LRRCC1: variants seen among roughly 807,000 people sequenced by gnomAD.
LRRCC1 encodes the protein leucine-rich repeat and coiled-coil domain-containing protein 1.
A neutral mutation model predicts 126.0 loss-of-function variants in LRRCC1; 115 were observed. The ratio of observed to expected loss-of-function variants is 0.91; its 90% CI spans 0.78 to 1.07. The LOEUF (loss-of-function observed/expected upper bound fraction) is 1.07, where lower values mean the gene tolerates loss of function less well. LRRCC1 is among the 50% of genes least tolerant of loss of function. The pLI is 0.00. For synonymous variants in LRRCC1, 400 were observed against 393.4 expected (o/e 1.02, Z -0.20); for missense variants, 1,172 against 1,175.7 (o/e 1.00, Z 0.05).
chr8:85,138,014 G>A (rs1330275422), intron 15 of LRRCC1, 21 bp from the exon 16 acceptor site: 6 of 1,337,352 alleles, frequency 4.5e-6, no homozygotes, highest in South Asian at 1.4e-5. Context: ...TAAAAACAAA[G>A]TGCCAATTTT....
In LRRCC1 at chr8:85,138,124, A is replaced by C; in HGVS notation, c.2583A>C (p.Lys861Asn). 1 of 1,608,980 alleles carries C rather than the reference A, an allele frequency of 6.2e-7. No individual in the cohort carries two copies. The highest frequency in any genetic ancestry group is 8.5e-7 in the Non-Finnish European group (1 of 1,177,200). Reference protein sequence around the residue: ...EKCTQEQLDEKSSQLDEVLEK... With the variant: ...EKCTQEQLDENSSQLDEVLEK... Reference sequence around the variant, plus strand: ...GCACTCAAGAACAACTTGATGAAAAATCTTCACAACTGGATGAGGTACTTG... The same window carrying C: ...GCACTCAAGAACAACTTGATGAAAACTCTTCACAACTGGATGAGGTACTTG... The change falls in exon 16 of 19, where the codon AAA (lysine) becomes AAC (asparagine). Residue 861 changes from lysine to asparagine, a missense_variant. Coordinates refer to ENST00000360375, the MANE Select transcript of LRRCC1 (RefSeq NM_033402.5).
rs1220002285 is a variant in LRRCC1, at chr8:85,120,136, T to C, written c.931-3277T>C. 2.0e-5 allele frequency among the ~76,000 whole-genome samples: 3 copies of C among 152,226 alleles called. No homozygotes were observed. The East Asian group carries it at 5.8e-4, about 29-fold the overall frequency. Reference sequence around the variant, plus strand: ...TCTTTTTAAATTTATTGAGTTTTTTTTTATAGCCTGGCATATGGTTTTTCT... The same window carrying C: ...TCTTTTTAAATTTATTGAGTTTTTTCTTATAGCCTGGCATATGGTTTTTCT... On this transcript the variant is annotated intron_variant, in intron 6 of 18. Transcript: ENST00000360375.
chr8:85,142,130 C>T (rs1417221996), intron 18 of LRRCC1, among the ~76,000 whole-genome samples: 1 of 152,072 alleles, frequency 6.6e-6, no homozygotes, highest in East Asian at 1.9e-4. Context: ...CCCTTCTCTA[C>T]TAAAAATACA....
intron 6 of LRRCC1, among the ~76,000 whole-genome samples, chr8:85,117,071 G>T (rs1265537962): frequency 6.6e-6 from 1 of 152,162 alleles, no homozygotes; most frequent in African/African-American, 2.4e-5. Context: ...TTAGATTGAA[G>T]TTTAATGTCT....
intron 9 of LRRCC1, among the ~76,000 whole-genome samples, chr8:85,127,462 G>A (rs1810103541): frequency 6.6e-6 from 1 of 152,076 alleles, no homozygotes; most frequent in Admixed American, 6.5e-5. Context: ...CATGTTTAGA[G>A]TTTCTTATGG....
chr8:85,114,248 C>G (rs571257279), intron 4 of LRRCC1, among the ~76,000 whole-genome samples: 3 of 150,466 alleles, frequency 2.0e-5, no homozygotes, highest in Non-Finnish European at 4.4e-5. Flanking sequence ...TTTTAATAAT[C>G]TTATCTCAAG....
In LRRCC1 at chr8:85,138,208, G is replaced by T. The variant is rs371922118; in HGVS notation, c.2667G>T (p.Lys889Asn). ...AACTAAAACAACAGTTGAAAGGAAA[G>T]GAAGTAGAACTTGAAGAAATCAGAA... The part of the protein sequence containing the change: ...KEKLKQQLKG[K>N]EVELEEIRKA... The change falls in exon 16 of 19, where the codon AAG (lysine) becomes AAT (asparagine). Residue 889 changes from lysine (K) to asparagine (N), a missense_variant. Coordinates refer to ENST00000360375, the MANE Select transcript of LRRCC1 (RefSeq NM_033402.5). 6.2e-7 allele frequency: 1 copy of T among 1,611,308 alleles called. No individual in the cohort carries two copies. Among genetic ancestry groups the T allele is most frequent in the Non-Finnish European group, 8.5e-7 (1 of 1,178,976 alleles).
chr8:85,113,559 T>C (rs1220857978), intron 4 of LRRCC1, among the ~76,000 whole-genome samples: 1 of 152,078 alleles, frequency 6.6e-6, no homozygotes, highest in Non-Finnish European at 1.5e-5. Flanking sequence ...TATATATGTA[T>C]GCACGCATGT....
intron 16 of LRRCC1, 28 bp from the exon 17 acceptor site, chr8:85,138,310 T>A: frequency 1.3e-6 from 2 of 1,587,986 alleles, no homozygotes; most frequent in Non-Finnish European, 1.7e-6. Flanking sequence ...TAAACCCAAT[T>A]TATTTTTCAA....
chr8:85,130,006 G>A lies in LRRCC1; in HGVS notation c.1714G>A (p.Glu572Lys). Residue 572 changes from glutamate (E) to lysine (K), a missense_variant, in exon 11 of 19, where the codon GAA becomes AAA. Transcript: ENST00000360375. ...LLRTSLHRER[E>K]QAQQLHQLLA... is the part of the protein sequence containing the mutation. Reference sequence around the variant, plus strand: ...TAGAACTTCCCTTCATCGAGAAAGAGAACAAGCGCAACAACTTCATCAACT... The same window carrying A: ...TAGAACTTCCCTTCATCGAGAAAGAAAACAAGCGCAACAACTTCATCAACT... 2.5e-6 allele frequency: 4 copies of A among 1,600,312 alleles called. No homozygotes were observed. The highest frequency in any genetic ancestry group is 3.4e-6 in the Non-Finnish European group (4 of 1,175,250).
At chr8:85,129,803 T>G in intron 10 of LRRCC1, 116 bp from the exon 11 acceptor site, 1 of 777,454 alleles carries the variant, frequency 1.3e-6, no homozygotes, top group Non-Finnish European at 1.9e-6. Flanking sequence ...TTATTAAAGT[T>G]TGAAAATCAA....
chr8:85,116,384 T>C (rs1477855535), intron 6 of LRRCC1, among the ~76,000 whole-genome samples: 2 of 152,188 alleles, frequency 1.3e-5, no homozygotes, highest in Non-Finnish European at 2.9e-5. Flanking sequence ...ACTAATTTTT[T>C]TTTTTTAGAG....
At chr8:85,117,090 A>C (rs1047757511) in intron 6 of LRRCC1, among the ~76,000 whole-genome samples, 6 of 152,222 alleles carry the variant, frequency 3.9e-5, no homozygotes, top group African/African-American at 1.4e-4. Context: ...CTTTAATTTG[A>C]AGTGAACATT....
chr8:85,139,870 A>T (rs1307258858), intron 17 of LRRCC1, among the ~76,000 whole-genome samples: 1 of 152,152 alleles, frequency 6.6e-6, no homozygotes, highest in Non-Finnish European at 1.5e-5. Flanking sequence ...TCTTGTTTTG[A>T]CTCAGTCTAA....
At chr8:85,129,103 T>A in intron 9 of LRRCC1, 72 bp from the exon 10 acceptor site, 2 of 1,076,778 alleles carry the variant, frequency 1.9e-6, no homozygotes, top group Non-Finnish European at 2.8e-6. Context: ...GAGAGTACTC[T>A]CATTGAAGTC....
At position 85,107,255 on chromosome 8, in the gene LRRCC1, G is replaced by T; in HGVS notation, c.-41G>T. On this transcript the variant is annotated 5_prime_UTR_variant, in exon 1 of 19. Coordinates refer to ENST00000360375, the MANE Select transcript of LRRCC1 (RefSeq NM_033402.5). ...CTTGTCCCAAGCTCACGGACCCCTC[G>T]CTGGGTGCCGGTTAAGACCCCGCTC... is the stretch of plus-strand genomic sequence containing the variant. The T allele has an allele frequency of 3.2e-6, 5 of 1,570,200 alleles. No homozygotes were observed. Among genetic ancestry groups the T allele is most frequent in the Non-Finnish European group, 4.3e-6 (5 of 1,156,740 alleles).
At chr8:85,110,301 C>T in intron 3 of LRRCC1, 121 bp downstream of exon 3, 1 of 452,172 alleles carries the variant, frequency 2.2e-6, no homozygotes, top group Non-Finnish European at 4.0e-6. Flanking sequence ...CCAAAGAGCT[C>T]ATCTAGAGAG....
intron 17 of LRRCC1, among the ~76,000 whole-genome samples, chr8:85,140,107 A>G (rs1811161152): frequency 6.6e-6 from 1 of 152,238 alleles, no homozygotes; most frequent in African/African-American, 2.4e-5. Flanking sequence ...AATAAAAATT[A>G]TAAAACCTAA....
intron 6 of LRRCC1, among the ~76,000 whole-genome samples, chr8:85,120,915 T>G (rs1563937627): frequency 6.6e-6 from 1 of 152,236 alleles, no homozygotes; most frequent in Non-Finnish European, 1.5e-5. Flanking sequence ...TGAATATTTA[T>G]GTATAAGTTT....
Sources: gnomAD v4.1 joint callset for allele counts (sites outside exome capture counted in the v4.1 genomes callset) on GRCh38, gnomAD v4.1.1 for gene constraint, MANE v1.5 for transcripts, NCBI Gene and HGNC (gene_info 2026-07-23, HGNC 2026-07-21) for gene names.